The following FSTL5 variants were observed in gnomAD, a reference collection of about 807,000 sequenced individuals.
The protein encoded by FSTL5 is follistatin like 5.
A neutral mutation model predicts 89.1 loss-of-function variants in FSTL5; 62 were observed. That is an observed-to-expected ratio of 0.70 (90% CI 0.57 to 0.86). The LOEUF (loss-of-function observed/expected upper bound fraction) is 0.86, where lower values mean the gene tolerates loss of function less well. FSTL5 is among the 40% of genes least tolerant of loss of function. The pLI is 0.00. For missense variants in FSTL5, 1,057 were observed against 1,001.6 expected, an observed-to-expected ratio of 1.06 and a Z score of -0.75; for synonymous variants, 383 against 346.2, an observed-to-expected ratio of 1.11 and a Z score of -1.18.
intron 10 of FSTL5, among the ~76,000 whole-genome samples, chr4:161,526,888 C>A (rs1731238624): frequency 6.6e-6 from 1 of 152,120 alleles, no homozygotes; most frequent in South Asian, 2.1e-4. Context: ...CGTGATGGCT[C>A]CAGCTTTGTT....
chr4:161,875,034 C>T (rs1224066092), intron 4 of FSTL5, among the ~76,000 whole-genome samples: 2 of 152,068 alleles, frequency 1.3e-5, no homozygotes, highest in Non-Finnish European at 2.9e-5. Context: ...TTTTTAAAAA[C>T]CTTTTGAATA....
At chr4:161,777,418 G>T (rs1163272704) in intron 4 of FSTL5, among the ~76,000 whole-genome samples, 1 of 151,942 alleles carries the variant, frequency 6.6e-6, no homozygotes, top group Admixed American at 6.6e-5. Context: ...CCAGCAGTGG[G>T]ATTGCCTGTA....
chr4:162,132,145 A>C (rs72986930), intron 1 of FSTL5, among the ~76,000 whole-genome samples: 3 of 152,134 alleles, frequency 2.0e-5, no homozygotes, highest in African/African-American at 7.2e-5. Context: ...CATTCTTAAA[A>C]CATTAAGAAA....
At chr4:161,524,844 G>T (rs1731160453) in intron 10 of FSTL5, among the ~76,000 whole-genome samples, 1 of 151,842 alleles carries the variant, frequency 6.6e-6, no homozygotes, top group Admixed American at 6.6e-5. Context: ...TGTAATACCA[G>T]CTACTCAGCA....
chr4:161,987,475 T>C (rs892277935), intron 3 of FSTL5, among the ~76,000 whole-genome samples: 1 of 143,734 alleles, frequency 7.0e-6, no homozygotes, highest in African/African-American at 2.7e-5. Context: ...TATATGTATA[T>C]ATATATATAT....
intron 15 of FSTL5, among the ~76,000 whole-genome samples, chr4:161,435,178 G>A (rs1578971721): frequency 6.6e-6 from 1 of 152,192 alleles, no homozygotes; most frequent in East Asian, 1.9e-4. Context: ...CAAGCTAAGT[G>A]CTCATCACCA....
chr4:161,706,873 T>C (rs1175048233), intron 6 of FSTL5, among the ~76,000 whole-genome samples: 1 of 151,992 alleles, frequency 6.6e-6, no homozygotes, highest in Non-Finnish European at 1.5e-5. Flanking sequence ...AAAGTAGTCT[T>C]TGTTGATTGG....
At chr4:161,977,843 T>C (rs968358252) in intron 3 of FSTL5, among the ~76,000 whole-genome samples, 2 of 151,858 alleles carry the variant, frequency 1.3e-5, no homozygotes, top group Admixed American at 6.6e-5. Flanking sequence ...AAAGGTTCCA[T>C]TGGTGAAATA....
intron 6 of FSTL5, among the ~76,000 whole-genome samples, chr4:161,748,653 G>A (rs1037305671): frequency 3.9e-5 from 5 of 129,392 alleles, no homozygotes; most frequent in African/African-American, 5.7e-5. Flanking sequence ...TATCTCACAT[G>A]AAAAGACTTA....
chr4:161,726,419 G>T (rs1347495722), intron 6 of FSTL5, among the ~76,000 whole-genome samples: 1 of 151,470 alleles, frequency 6.6e-6, no homozygotes, highest in African/African-American at 2.4e-5. Flanking sequence ...GTAGAGATGG[G>T]GTTTCACCAT....
chr4:161,918,691 C>G (rs1733906179), intron 4 of FSTL5, among the ~76,000 whole-genome samples: 1 of 151,870 alleles, frequency 6.6e-6, no homozygotes, highest in East Asian at 1.9e-4. Flanking sequence ...GTTGCCTAGG[C>G]TGGAGTGCAG....
At chr4:161,941,555 G>A (rs1465842620) in intron 3 of FSTL5, among the ~76,000 whole-genome samples, 1 of 151,806 alleles carries the variant, frequency 6.6e-6, no homozygotes, top group East Asian at 1.9e-4. Context: ...AGACAAATAA[G>A]AACATTATAT....
intron 15 of FSTL5, among the ~76,000 whole-genome samples, chr4:161,391,619 T>A (rs6849141): frequency 1.3e-5 from 2 of 151,976 alleles, no homozygotes. Flanking sequence ...AGATTGAATG[T>A]CCTTCCTACT....
rs886086334 is a variant in FSTL5, at chr4:161,822,099, AT to A, written c.410-46026del. Among the ~76,000 whole-genome samples, 349 of 147,578 alleles carry A rather than the reference AT, an allele frequency of 2.4e-3. 4 individuals carry two copies. Among genetic ancestry groups the A allele is most frequent in the South Asian group, 0.014 (66 of 4,656 alleles). ...CACCAGATCCCTGCCAACATCTACTATTTTTTTTTTCATTATGGCCATTCTT... is the reference window on the plus strand; with the variant it reads ...CACCAGATCCCTGCCAACATCTACTATTTTTTTTTCATTATGGCCATTCTT... On this transcript the variant is annotated intron_variant, in intron 4 of 15. Coordinates refer to ENST00000306100, the MANE Select transcript of FSTL5 (RefSeq NM_020116.5).
At chr4:161,843,882 C>T (rs769447672) in intron 4 of FSTL5, among the ~76,000 whole-genome samples, 21 of 152,178 alleles carry the variant, frequency 1.4e-4, no homozygotes, top group Non-Finnish European at 2.8e-4. Flanking sequence ...GACACAGGCA[C>T]TGGCAAAGAC....
intron 6 of FSTL5, among the ~76,000 whole-genome samples, chr4:161,666,220 TAAC>T (rs1736887120): frequency 6.6e-6 from 1 of 151,936 alleles, no homozygotes; most frequent in African/African-American, 2.4e-5. Context: ...AACAACTCAT[TAAC>T]AAAACAATCA....
chr4:161,674,912 T>A (rs976233021), intron 6 of FSTL5, among the ~76,000 whole-genome samples: 10 of 152,236 alleles, frequency 6.6e-5, no homozygotes, highest in Admixed American at 5.9e-4. Context: ...CTTCGGGGGC[T>A]CCACTGGGGA....
intron 2 of FSTL5, among the ~76,000 whole-genome samples, chr4:162,045,693 TC>T (rs1364816056): frequency 6.6e-6 from 1 of 152,088 alleles, no homozygotes; most frequent in East Asian, 1.9e-4. Context: ...CCACGAACCT[TC>T]CATTTATAAA....
intron 4 of FSTL5, among the ~76,000 whole-genome samples, chr4:161,877,996 C>CT (rs59468549): frequency 0.82 from 123,043 of 150,936 alleles, 51,195 homozygotes; most frequent in Non-Finnish European, 0.89. Context: ...TATTAAAAAT[C>CT]TTTTTTTTAC....
Sources: gnomAD v4.1 joint callset for allele counts (sites outside exome capture counted in the v4.1 genomes callset) on GRCh38, gnomAD v4.1.1 for gene constraint, MANE v1.5 for transcripts, NCBI Gene and HGNC (gene_info 2026-07-23, HGNC 2026-07-21) for gene names.